The following LDB2 variants were observed in gnomAD, a reference collection of about 807,000 sequenced individuals.
The protein encoded by LDB2 is LIM domain binding 2, also known as LIM domain-binding protein 2.
Under a neutral mutation model 44.3 loss-of-function variants are expected in LDB2, and 12 were observed. The observed-to-expected ratio is 0.27, with a 90% confidence interval of 0.17 to 0.44. The LOEUF is 0.44. Among genes scored for constraint, LDB2 ranks in the 20% least tolerant of loss-of-function variants. The pLI, the probability that LDB2 is intolerant of heterozygous loss-of-function variation, is 1.00. For missense variants in LDB2, 344 were observed against 473.5 expected (o/e 0.73, Z 2.54); for synonymous variants, 164 against 174.8 (o/e 0.94, Z 0.49).
At chr4:16,805,803 C>A (rs1170042589) in intron 1 of LDB2, among the ~76,000 whole-genome samples, 1 of 152,192 alleles carries the variant, frequency 6.6e-6, no homozygotes, top group Non-Finnish European at 1.5e-5. Context: ...GAGCCTATTG[C>A]CTGACAGTAT....
At position 16,705,961 on chromosome 4, in the gene LDB2, C is replaced by CT. The variant is rs200693301; in HGVS notation, c.235+53196dup. Among the ~76,000 whole-genome samples, 10 of 151,472 alleles carry CT rather than the reference C, an allele frequency of 6.6e-5. No homozygotes were observed. In the South Asian group the frequency reaches 8.4e-4, roughly 13 times the overall value. On this transcript the variant is annotated intron_variant, in intron 2 of 7. Transcript: ENST00000304523. ...TCACTTTTCTCAGTCACTATATAATCTTTTTTTTTAAGTGAACAAAATAAA... is the reference window on the plus strand; with the variant it reads ...TCACTTTTCTCAGTCACTATATAATCTTTTTTTTTTAAGTGAACAAAATAAA...
chr4:16,878,553 T>C (rs911846122), intron 1 of LDB2, among the ~76,000 whole-genome samples: 2 of 152,216 alleles, frequency 1.3e-5, no homozygotes, highest in African/African-American at 4.8e-5. Flanking sequence ...CAAAATGTCA[T>C]TCTAATGATG....
intron 1 of LDB2, among the ~76,000 whole-genome samples, chr4:16,771,836 C>G (rs1222282973): frequency 6.6e-6 from 1 of 152,208 alleles, no homozygotes; most frequent in Non-Finnish European, 1.5e-5. Flanking sequence ...CACTCCTGTT[C>G]CCCTGTAACC....
rs115155682 is a variant in LDB2, at chr4:16,825,009, A to G, written c.133-65749T>C. On this transcript the variant is annotated intron_variant, in intron 1 of 7. Transcript: ENST00000304523. ...TAGATGCAGAGTAAATACATGTGGG[A>G]TAACAGGGAAGTATTTGCAATGCAG... 4.3e-3 allele frequency among the ~76,000 whole-genome samples: 657 copies of G among 152,310 alleles called. 4 individuals carry two copies. The highest frequency in any genetic ancestry group is 0.014 in the African/African-American group (594 of 41,568).
At chr4:16,503,283 G>GTGGC (rs553248746) in intron 7 of LDB2, among the ~76,000 whole-genome samples, 231 of 152,258 alleles carry the variant, frequency 1.5e-3, no homozygotes, top group Admixed American at 3.3e-3. Flanking sequence ...GGGCCTGTGA[G>GTGGC]TGGCTTTGGA....
chr4:16,615,137 C>A (rs116166225), intron 2 of LDB2, among the ~76,000 whole-genome samples: 2,434 of 144,494 alleles, frequency 0.017, 62 homozygotes, highest in African/African-American at 0.059. Context: ...GAAATAGGAA[C>A]GATTTTACAC....
chr4:16,784,873 C>T (rs1434991046), intron 1 of LDB2, among the ~76,000 whole-genome samples: 1 of 152,110 alleles, frequency 6.6e-6, no homozygotes, highest in Non-Finnish European at 1.5e-5. Context: ...CAATCGTTTC[C>T]TAGCTCACTG....
At chr4:16,557,888 A>G (rs1253745630) in intron 5 of LDB2, among the ~76,000 whole-genome samples, 1 of 152,194 alleles carries the variant, frequency 6.6e-6, no homozygotes, top group Non-Finnish European at 1.5e-5. Flanking sequence ...GAACGATCAG[A>G]CAGCAGCATT....
intron 2 of LDB2, among the ~76,000 whole-genome samples, chr4:16,711,632 C>G (rs1160102629): frequency 6.6e-6 from 1 of 152,104 alleles, no homozygotes; most frequent in East Asian, 1.9e-4. Flanking sequence ...GGCAGGGGAC[C>G]AGTTAGGATG....
At chr4:16,723,565 A>G (rs931353462) in intron 2 of LDB2, among the ~76,000 whole-genome samples, 1 of 152,108 alleles carries the variant, frequency 6.6e-6, no homozygotes, top group African/African-American at 2.4e-5. Context: ...TTTAAACCAT[A>G]TCACTTCCTT....
At chr4:16,805,279 G>A (rs1665790630) in intron 1 of LDB2, among the ~76,000 whole-genome samples, 1 of 152,180 alleles carries the variant, frequency 6.6e-6, no homozygotes, top group Admixed American at 6.5e-5. Context: ...AAAGCATTCG[G>A]TCCATAATGT....
chr4:16,875,948 A>G lies in LDB2; in HGVS notation c.132+22406T>C, dbSNP rs368314197. On this transcript the variant is annotated intron_variant, in intron 1 of 7. Coordinates refer to ENST00000304523, the MANE Select transcript of LDB2 (RefSeq NM_001290.5). The stretch of plus-strand genomic sequence containing the variant: ...ATAGCAGGCATTATAGGAAGTAGGA[A>G]TGCATTATAGGAAGTAGGAATGCAT... Among the ~76,000 whole-genome samples, 5 of 152,310 alleles carry G rather than the reference A, an allele frequency of 3.3e-5. No individual in the cohort carries two copies. The South Asian group carries it at 1.0e-3, about 32-fold the overall frequency.
chr4:16,894,537 G>A (rs765713102), intron 1 of LDB2, among the ~76,000 whole-genome samples: 2 of 152,084 alleles, frequency 1.3e-5, no homozygotes, highest in Non-Finnish European at 2.9e-5. Context: ...AGAGAGGTGA[G>A]GTCCTGTTAG....
intron 1 of LDB2, among the ~76,000 whole-genome samples, chr4:16,868,407 T>G (rs1275355382): frequency 1.3e-5 from 2 of 152,184 alleles, no homozygotes; most frequent in African/African-American, 4.8e-5. Flanking sequence ...ATTTTGCTGA[T>G]TAAAATGCAC....
At chr4:16,648,013 G>C (rs1288312584) in intron 2 of LDB2, among the ~76,000 whole-genome samples, 1 of 152,148 alleles carries the variant, frequency 6.6e-6, no homozygotes, top group Admixed American at 6.5e-5. Context: ...TCACTAGTCT[G>C]TCTTCCCCTA....
At chr4:16,857,053 C>A (rs6832826) in intron 1 of LDB2, among the ~76,000 whole-genome samples, 29 of 152,118 alleles carry the variant, frequency 1.9e-4, no homozygotes, top group African/African-American at 6.8e-4. Flanking sequence ...CTTCTTAGAG[C>A]TTTTGTTGAC....
At chr4:16,806,088 T>G (rs896375338) in intron 1 of LDB2, among the ~76,000 whole-genome samples, 1 of 152,226 alleles carries the variant, frequency 6.6e-6, no homozygotes, top group African/African-American at 2.4e-5. Flanking sequence ...ATTAGCATCT[T>G]CATGTGCTTG....
At chr4:16,648,260 A>G (rs1377987761) in intron 2 of LDB2, among the ~76,000 whole-genome samples, 1 of 152,200 alleles carries the variant, frequency 6.6e-6, no homozygotes, top group Admixed American at 6.5e-5. Context: ...CAGAGCTCCA[A>G]ACTTAAATTC....
At chr4:16,558,486 G>C (rs1283306140) in intron 5 of LDB2, among the ~76,000 whole-genome samples, 1 of 152,176 alleles carries the variant, frequency 6.6e-6, no homozygotes, top group Non-Finnish European at 1.5e-5. Flanking sequence ...TGAATGAAAT[G>C]AAGCGAGAAG....
Sources: gnomAD v4.1 joint callset for allele counts (sites outside exome capture counted in the v4.1 genomes callset) on GRCh38, gnomAD v4.1.1 for gene constraint, MANE v1.5 for transcripts, NCBI Gene and HGNC (gene_info 2026-07-23, HGNC 2026-07-21) for gene names.